The following BCAS1 variants were observed in gnomAD, a reference collection of about 807,000 sequenced individuals.
BCAS1 encodes the protein breast carcinoma-amplified sequence 1.
BCAS1 carries 46 observed loss-of-function variants against 65.4 expected under a neutral mutation model. The ratio of observed to expected loss-of-function variants is 0.70; its 90% CI spans 0.55 to 0.90. BCAS1 has a LOEUF of 0.90. BCAS1 is among the 40% of genes least tolerant of loss of function. The pLI is 0.00. For missense variants in BCAS1, 793 were observed against 771.2 expected (o/e 1.03, Z -0.33); for synonymous variants, 298 against 293.5 (o/e 1.02, Z -0.16).
At chr20:54,061,139 A>G (rs2092371884) in intron 1 of BCAS1, among the ~76,000 whole-genome samples, 1 of 152,168 alleles carries the variant, frequency 6.6e-6, no homozygotes, top group Non-Finnish European at 1.5e-5. Flanking sequence ...TCATGATTTC[A>G]TTCTTCATAT....
chr20:54,003,945 T>G (rs1411470046), intron 4 of BCAS1, among the ~76,000 whole-genome samples: 1 of 152,270 alleles, frequency 6.6e-6, no homozygotes, highest in African/African-American at 2.4e-5. Context: ...GAAGGATGGC[T>G]GCAAATTCTA....
chr20:54,041,253 C>A (rs988865594), intron 3 of BCAS1, among the ~76,000 whole-genome samples: 13 of 151,314 alleles, frequency 8.6e-5, no homozygotes, highest in African/African-American at 2.9e-4. Context: ...AGACGTGGAA[C>A]GATTGCACAC....
intron 7 of BCAS1, 46 bp downstream of exon 7, chr20:53,992,466 A>G: frequency 3.7e-6 from 5 of 1,358,528 alleles, no homozygotes; most frequent in Non-Finnish European, 3.9e-6. Flanking sequence ...ATGTCTTGTG[A>G]AGACCAGAGT....
rs1326304869 is a variant in BCAS1 at position 54,039,450 on chromosome 20, T to C, written c.143-10478A>G. On this transcript the variant is annotated intron_variant, in intron 3 of 12. Transcript: ENST00000688948. ...TCCAAAGGAATGTAGGCAAAGGTAC[T>C]ACTACCCCCATGCTCTTCAGAAAAC... Among the ~76,000 whole-genome samples, 4 of 151,418 alleles carry C rather than the reference T, an allele frequency of 2.6e-5. 1 individual carries two copies. The highest frequency in any genetic ancestry group is 2.6e-4 in the Admixed American group (4 of 15,142).
chr20:54,036,494 A>T lies in BCAS1; in HGVS notation c.143-7522T>A, dbSNP rs78665849. Among the ~76,000 whole-genome samples, 259 of 151,464 alleles carry T rather than the reference A, an allele frequency of 1.7e-3. 6 individuals carry two copies. Among genetic ancestry groups the T allele is most frequent in the African/African-American group, 6.2e-3 (255 of 41,450 alleles). On this transcript the variant is annotated intron_variant, in intron 3 of 12. Coordinates refer to ENST00000688948, the MANE Select transcript of BCAS1 (RefSeq NM_001366298.2). ...CAGTGCCATCTTCGTGTAATTGTTA[A>T]GAACTTGGATTGTGGATCACAGGAA...
intron 3 of BCAS1, among the ~76,000 whole-genome samples, chr20:54,040,435 T>C (rs903109762): frequency 2.6e-5 from 4 of 151,004 alleles, no homozygotes; most frequent in Non-Finnish European, 4.4e-5. Flanking sequence ...TCAGGACACA[T>C]AGAAGATTGC....
At position 54,014,944 on chromosome 20, in the gene BCAS1, A is replaced by C. The variant is rs76683901; in HGVS notation, c.723+13448T>G. Among the ~76,000 whole-genome samples the C allele has an allele frequency of 2.9e-3, 449 of 152,340 alleles. 2 individuals are homozygous for C. The highest frequency in any genetic ancestry group is 0.01 in the African/African-American group (431 of 41,576). On this transcript the variant is annotated intron_variant, in intron 4 of 12. Transcript: ENST00000688948. The stretch of plus-strand genomic sequence containing the variant: ...TTTTTGAAGATAGAATTTGTCCCCC[A>C]ATTTGCCTAGAAAGGAAAGCAAATT...
chr20:53,985,517 A>G lies in BCAS1; in HGVS notation c.1063-18T>C. 6.2e-7 allele frequency: 1 copy of G among 1,608,958 alleles called. No individual in the cohort carries two copies. Among genetic ancestry groups the G allele is most frequent in the Non-Finnish European group, 8.5e-7 (1 of 1,176,508 alleles). The stretch of plus-strand genomic sequence containing the variant: ...TCAGCACCCTAAAGAGTTAAAAAAA[A>G]TGGAGGGAAAACATTCAAAATGGTC... On this transcript the variant is annotated intron_variant, in intron 7 of 12. Coordinates refer to ENST00000688948, the MANE Select transcript of BCAS1 (RefSeq NM_001366298.2).
chr20:54,060,343 C>G (rs927137348), intron 1 of BCAS1, among the ~76,000 whole-genome samples: 1 of 152,192 alleles, frequency 6.6e-6, no homozygotes, highest in Non-Finnish European at 1.5e-5. Context: ...GACGGAGTCT[C>G]TCTCTGTTGC....
At position 54,032,421 on chromosome 20, in the gene BCAS1, C is replaced by G. The variant is rs142817014; in HGVS notation, c.143-3449G>C. 6.5e-4 allele frequency among the ~76,000 whole-genome samples: 98 copies of G among 151,372 alleles called. 3 individuals are homozygous for G. The highest frequency in any genetic ancestry group is 2.3e-3 in the African/African-American group (95 of 41,434). ...ATTGTAAAGCAACTACATAACAAGT[C>G]TGCAAAATAACCAGCCAACATCATG... On this transcript the variant is annotated intron_variant, in intron 3 of 12. Coordinates refer to ENST00000688948, the MANE Select transcript of BCAS1 (RefSeq NM_001366298.2).
At chr20:53,992,976 G>A (rs1025690273) in intron 6 of BCAS1, among the ~76,000 whole-genome samples, 2 of 152,122 alleles carry the variant, frequency 1.3e-5, no homozygotes, top group Non-Finnish European at 2.9e-5. Flanking sequence ...CTTGATAGTT[G>A]TAGATATCTA....
chr20:53,981,486 T>C (rs2090476973), intron 8 of BCAS1, among the ~76,000 whole-genome samples: 1 of 151,854 alleles, frequency 6.6e-6, no homozygotes, highest in Non-Finnish European at 1.5e-5. Flanking sequence ...AATTGCAAAT[T>C]TCGTTGTTTC....
At position 53,967,038 on chromosome 20, in the gene BCAS1, G is replaced by C. The variant is rs770736217; in HGVS notation, c.1353C>G (p.Ser451=). The change falls in exon 10 of 13, where the codon TCC becomes TCG. Residue 451 remains serine (S), a synonymous_variant. Coordinates refer to ENST00000688948, the MANE Select transcript of BCAS1 (RefSeq NM_001366298.2). ...VCESPVEIIK[S]KEVESALQTV... ...TTTGTAAGGCTGATTCTACTTCCTT[G>C]GACTTTATAATCTCTACTGGTGACT... 1.2e-6 allele frequency: 2 copies of C among 1,612,088 alleles called. No homozygotes were observed. The highest frequency in any genetic ancestry group is 4.5e-5 in the East Asian group (2 of 44,768).
chr20:53,987,850 A>G (rs1600792546), intron 7 of BCAS1, among the ~76,000 whole-genome samples: 1 of 152,194 alleles, frequency 6.6e-6, no homozygotes, highest in Admixed American at 6.6e-5. Flanking sequence ...GAAGGGAAGA[A>G]GAGAGTTTTC....
At chr20:53,945,757 T>C (rs2089293459) in intron 12 of BCAS1, among the ~76,000 whole-genome samples, 1 of 152,202 alleles carries the variant, frequency 6.6e-6, no homozygotes, top group East Asian at 1.9e-4. Flanking sequence ...AGGAATGTTG[T>C]CAGGCAGATA....
intron 9 of BCAS1, among the ~76,000 whole-genome samples, chr20:53,969,976 G>T (rs2090138086): frequency 1.3e-5 from 2 of 152,132 alleles, no homozygotes; most frequent in Admixed American, 1.3e-4. Flanking sequence ...TATAAAGTTG[G>T]CAACTTTGCC....
intron 4 of BCAS1, among the ~76,000 whole-genome samples, chr20:53,998,339 G>A (rs1057476237): frequency 6.6e-6 from 1 of 152,158 alleles, no homozygotes; most frequent in Non-Finnish European, 1.5e-5. Flanking sequence ...AAGAAAAGAG[G>A]TTTCATTGGC....
intron 3 of BCAS1, among the ~76,000 whole-genome samples, chr20:54,056,339 G>A (rs908741268): frequency 6.6e-6 from 1 of 152,154 alleles, no homozygotes; most frequent in African/African-American, 2.4e-5. Flanking sequence ...ATTATCCTAA[G>A]TGAAGCAACT....
At chr20:53,989,137 C>T (rs564549311) in intron 7 of BCAS1, among the ~76,000 whole-genome samples, 4 of 152,120 alleles carry the variant, frequency 2.6e-5, no homozygotes, top group Admixed American at 6.5e-5. Context: ...ATTAAAATTT[C>T]GTGGAGGGAA....
Sources: gnomAD v4.1 joint callset for allele counts (sites outside exome capture counted in the v4.1 genomes callset) on GRCh38, gnomAD v4.1.1 for gene constraint, MANE v1.5 for transcripts, NCBI Gene and HGNC (gene_info 2026-07-23, HGNC 2026-07-21) for gene names.